GALNT15: variants seen among roughly 807,000 people sequenced by gnomAD.
GALNT15 encodes polypeptide N-acetylgalactosaminyltransferase 15.
In GALNT15, 67 loss-of-function variants were observed where a neutral mutation model predicts 66.8. That is an observed-to-expected ratio of 1.00 (90% confidence interval 0.82 to 1.23). The LOEUF (loss-of-function observed/expected upper bound fraction) is 1.23. Among genes scored for constraint, GALNT15 ranks in the 50% most tolerant of loss-of-function variants. The pLI, the probability that GALNT15 is intolerant of heterozygous loss-of-function variation, is 0.00. For missense variants in GALNT15, 827 were observed against 804.3 expected (o/e 1.03, Z -0.34); for synonymous variants, 313 against 311.5 (o/e 1.00, Z -0.05).
rs771026937 is a variant in GALNT15, at chr3:16,219,918, C to T, written c.1533C>T (p.Asn511=). 2 of 1,613,920 alleles carry T rather than the reference C, an allele frequency of 1.2e-6. No homozygotes were observed. The highest frequency in any genetic ancestry group is 2.2e-5 in the East Asian group (1 of 44,884). The change falls in exon 8 of 10, where the codon AAC becomes AAT. Residue 511 remains asparagine (N), a synonymous_variant. Coordinates refer to ENST00000339732, the MANE Select transcript of GALNT15 (RefSeq NM_054110.5). This position sits in a 1 kb window ranked among gnomAD's most constrained non-coding sequence, Gnocchi z 4.3. ...PRPSFSGKLH[N]TGLGLCADCQ... is the part of the protein sequence containing the mutation. ...TGTGTGTCCACTTTCAGCTCCACAA[C>T]ACTGGACTTGGGCTCTGTGCAGACT... is the stretch of plus-strand genomic sequence containing the variant.
rs534341408 is a variant in GALNT15 at position 16,229,608 on chromosome 3, G to T, written c.*2108G>T. 2.2e-4 allele frequency: 214 copies of T among 985,422 alleles called. No homozygotes were observed. Among genetic ancestry groups the T allele is most frequent in the Admixed American group, 8.0e-4 (13 of 16,288 alleles). The allele number at this position is 985,422 out of a possible 1,614,324, so 61.0% of individuals were successfully genotyped here. On this transcript the variant is annotated 3_prime_UTR_variant, in exon 10 of 10. Coordinates refer to ENST00000339732, the MANE Select transcript of GALNT15 (RefSeq NM_054110.5). ...CTACAAATTCTCAGATGGCGACCGT[G>T]TAAATGGTATTAGCGGCTGAAGAAA...
the GALNT15 span, chr3:16,244,141 T>A: frequency 2.5e-5 from 10 of 400,060 alleles, no homozygotes; most frequent in Non-Finnish European, 3.4e-5. Context: ...TAAAGCTCTT[T>A]TGAAGTCTGG....
In GALNT15 at chr3:16,228,817, T is replaced by C; in HGVS notation, c.*1317T>C. On this transcript the variant is annotated 3_prime_UTR_variant, in exon 10 of 10. Transcript: ENST00000339732. ...TTTGGGTGTTAATGTCCATGAGAGC[T>C]GACAGGGCCATCTCTGAGCCCATAT... is the stretch of plus-strand genomic sequence containing the variant. 1.0e-6 allele frequency: 1 copy of C among 985,422 alleles called. No homozygotes were observed. The highest frequency in any genetic ancestry group is 1.2e-6 in the Non-Finnish European group (1 of 829,928). The allele number at this position is 985,422 out of a possible 1,614,324, so 61.0% of individuals were successfully genotyped here.
intron 3 of GALNT15, among the ~76,000 whole-genome samples, chr3:16,201,599 A>G (rs1411178213): frequency 2.0e-5 from 3 of 152,190 alleles, no homozygotes; most frequent in Admixed American, 1.3e-4. Context: ...TGATCACTAA[A>G]CAGCATTCTT....
intron 6 of GALNT15, among the ~76,000 whole-genome samples, chr3:16,216,066 C>A (rs1056128204): frequency 1.3e-5 from 2 of 152,036 alleles, no homozygotes; most frequent in East Asian, 1.9e-4. Flanking sequence ...AGTACGTGTT[C>A]CATAAACATT....
Position 16,215,906 on chromosome 3 carries a change from CAAAA to C in GALNT15, c.1392+3159_1392+3162del, listed in dbSNP as rs10611187. On this transcript the variant is annotated intron_variant, in intron 6 of 9. Transcript: ENST00000339732. ...GCCTGGCAACAGAGGGAGACTCCGC[CAAAA>C]AAAAAAAAAAAAAAAGAAGAGGAAG... is the stretch of plus-strand genomic sequence containing the variant. Among the ~76,000 whole-genome samples the C allele has an allele frequency of 7.3e-3, 749 of 102,594 alleles. 7 individuals carry two copies. The highest frequency in any genetic ancestry group is 0.021 in the African/African-American group (575 of 27,438). The allele number at this position is 102,594 out of a possible 152,430, so 67.3% of individuals were successfully genotyped here. A position where few individuals can be genotyped will look rare whatever the true frequency, so the allele number is the denominator to read the frequency against.
rs1466707916 is a variant in GALNT15 at position 16,184,459 on chromosome 3, G to C, written c.539+8769G>C. On this transcript the variant is annotated intron_variant, in intron 1 of 9. Transcript: ENST00000339732. The surrounding 1 kb of genome is among the most constrained non-coding windows in gnomAD (Gnocchi z 5.0). ...CCACCTCTGGGCCTTAGCAGAGGCT[G>C]TGACACCTGCCAGGCATGTCATTCA... is the stretch of plus-strand genomic sequence containing the variant. Among the ~76,000 whole-genome samples, 1 of 152,146 alleles carries C rather than the reference G, an allele frequency of 6.6e-6. No individual in the cohort carries two copies. The highest frequency in any genetic ancestry group is 1.5e-5 in the Non-Finnish European group (1 of 68,024).
intron 1 of GALNT15, among the ~76,000 whole-genome samples, chr3:16,178,153 A>G (rs993327056): frequency 2.0e-5 from 3 of 151,992 alleles, no homozygotes; most frequent in Non-Finnish European, 2.9e-5. Flanking sequence ...GGTGTGAGTG[A>G]TACATGTGTA....
chr3:16,213,077 C>T (rs901787672), intron 6 of GALNT15, among the ~76,000 whole-genome samples: 1 of 152,092 alleles, frequency 6.6e-6, no homozygotes, highest in Non-Finnish European at 1.5e-5. Context: ...AGATGGGTCT[C>T]CAAGGCCAGG....
In GALNT15 at chr3:16,200,884, T is replaced by C. The variant is rs1574980933; in HGVS notation, c.911+61T>C. The C allele has an allele frequency of 7.5e-7, 1 of 1,340,192 alleles. No homozygotes were observed. 83.0% of individuals were successfully genotyped at this position (1,340,192 alleles called of 1,614,324 possible). ...GAACTGGGAGAAACAGTCTACAGCA[T>C]CAGCCACTCACAGAGCAACCCACCT... On this transcript the variant is annotated intron_variant, in intron 3 of 9. Coordinates refer to ENST00000339732, the MANE Select transcript of GALNT15 (RefSeq NM_054110.5). This position sits in a 1 kb window ranked among gnomAD's most constrained non-coding sequence, Gnocchi z 4.4.
chr3:16,222,840 C>T (rs1348840959), intron 9 of GALNT15, 82 bp downstream of exon 9: 6 of 1,495,994 alleles, frequency 4.0e-6, no homozygotes, highest in Admixed American at 1.8e-5. Flanking sequence ...TGGGCTCTTC[C>T]AAGAGGTCAG....
In GALNT15 at chr3:16,217,614, A is replaced by G. The variant is rs554533788; in HGVS notation, c.1393-1789A>G. Among the ~76,000 whole-genome samples the G allele has an allele frequency of 6.6e-5, 10 of 152,340 alleles. No homozygotes were observed. The East Asian group carries it at 1.2e-3, about 18-fold the overall frequency. On this transcript the variant is annotated intron_variant, in intron 6 of 9. Coordinates refer to ENST00000339732, the MANE Select transcript of GALNT15 (RefSeq NM_054110.5). ...TCCTGGGCACCCAAAAGACAAGGCC[A>G]GACTTTTGCTGCTTGGGGAGCTGAA...
chr3:16,201,730 G>T (rs1300948359), intron 3 of GALNT15, among the ~76,000 whole-genome samples: 1 of 152,114 alleles, frequency 6.6e-6, no homozygotes, highest in Admixed American at 6.5e-5. Flanking sequence ...CATTTTTCTT[G>T]ATCATTTCTC....
In GALNT15 at chr3:16,211,262, G is replaced by A; in HGVS notation, c.1197+21G>A. The stretch of plus-strand genomic sequence containing the variant: ...TCAAGGTATGTCCTGGACCAAGGGA[G>A]GACAGAGGTGGGATCTCTGGAGTGG... On this transcript the variant is annotated intron_variant, in intron 5 of 9. Transcript: ENST00000339732. This position sits in a 1 kb window ranked among gnomAD's most constrained non-coding sequence, Gnocchi z 4.3. The A allele has an allele frequency of 6.8e-7, 1 of 1,481,128 alleles. No individual in the cohort carries two copies. Among genetic ancestry groups the A allele is most frequent in the South Asian group, 1.1e-5 (1 of 88,346 alleles). 91.7% of individuals were successfully genotyped at this position (1,481,128 alleles called of 1,614,324 possible).
In GALNT15 at chr3:16,219,360, A is replaced by G; in HGVS notation, c.1393-43A>G. The G allele has an allele frequency of 6.2e-7, 1 of 1,607,638 alleles. No homozygotes were observed. The highest frequency in any genetic ancestry group is 8.5e-7 in the Non-Finnish European group (1 of 1,176,684). ...TCCCCAACCATGTGAATTCTGGGCA[A>G]GACAAGCTTTCATCATCCTGCTTGT... On this transcript the variant is annotated intron_variant, in intron 6 of 9. Coordinates refer to ENST00000339732, the MANE Select transcript of GALNT15 (RefSeq NM_054110.5). This position sits in a 1 kb window ranked among gnomAD's most constrained non-coding sequence, Gnocchi z 4.3.
chr3:16,197,456 G>A (rs1338358765), intron 2 of GALNT15, among the ~76,000 whole-genome samples: 3 of 152,164 alleles, frequency 2.0e-5, no homozygotes, highest in Non-Finnish European at 4.4e-5. Flanking sequence ...CTGTGTGCTT[G>A]CCAAGACCCA....
chr3:16,185,895 G>T (rs2063512060), intron 1 of GALNT15, among the ~76,000 whole-genome samples: 1 of 152,140 alleles, frequency 6.6e-6, no homozygotes, highest in Non-Finnish European at 1.5e-5. Flanking sequence ...ATGGGAAAGT[G>T]TGTCCATGAT....
chr3:16,177,256 G>C (rs1173491073), intron 1 of GALNT15, among the ~76,000 whole-genome samples: 2 of 152,158 alleles, frequency 1.3e-5, no homozygotes, highest in African/African-American at 4.8e-5. Context: ...TTTTTCACTG[G>C]CCTGGAGCAA....
intron 1 of GALNT15, among the ~76,000 whole-genome samples, chr3:16,179,664 G>A (rs75961478): frequency 1.1e-3 from 164 of 152,316 alleles, no homozygotes; most frequent in Middle Eastern, 3.4e-3. Context: ...ACAGAAAGCG[G>A]CCTACAGCAC....
Sources: gnomAD v4.1 joint callset for allele counts (sites outside exome capture counted in the v4.1 genomes callset) on GRCh38, gnomAD v4.1.1 for gene constraint, Gnocchi (gnomAD v3.1) non-coding constraint, MANE v1.5 for transcripts, NCBI Gene and HGNC (gene_info 2026-07-23, HGNC 2026-07-21) for gene names.